RNF111: variants seen among roughly 807,000 people sequenced by gnomAD.
RNF111 encodes ring finger protein 111, also known as E3 ubiquitin-protein ligase Arkadia.
In RNF111, 17 loss-of-function variants were observed where a neutral mutation model predicts 95.1. That is an observed-to-expected ratio of 0.18 (90% CI 0.12 to 0.27). The LOEUF (loss-of-function observed/expected upper bound fraction) is 0.27, where lower values mean the gene tolerates loss of function less well. Ranked by LOEUF, RNF111 falls within the 10% of genes least tolerant of loss-of-function variation. The pLI is 1.00. For synonymous variants in RNF111, 440 were observed against 414.8 expected (o/e 1.06, Z -0.74); for missense variants, 1,189 against 1,210.4 (o/e 0.98, Z 0.26).
chr15:59,032,341 T>C (rs1287952273), intron 2 of RNF111, among the ~76,000 whole-genome samples: 1 of 152,220 alleles, frequency 6.6e-6, no homozygotes, highest in Non-Finnish European at 1.5e-5. Flanking sequence ...TTGACTGTTA[T>C]GAATACTTTT....
chr15:59,064,792 A>C (rs1421879960), intron 5 of RNF111, among the ~76,000 whole-genome samples: 2 of 151,940 alleles, frequency 1.3e-5, no homozygotes, highest in Non-Finnish European at 2.9e-5. Context: ...GCTACTGTGT[A>C]ACAGAGGTTA....
intron 1 of RNF111, among the ~76,000 whole-genome samples, chr15:58,998,690 C>G (rs1485982034): frequency 1.3e-5 from 2 of 152,118 alleles, no homozygotes; most frequent in African/African-American, 4.8e-5. Context: ...AAACAAATGA[C>G]AGAATTTATT....
intron 1 of RNF111, among the ~76,000 whole-genome samples, chr15:58,999,383 T>G (rs1450466571): frequency 6.6e-6 from 1 of 152,228 alleles, no homozygotes; most frequent in African/African-American, 2.4e-5. Context: ...TCACCCAGGC[T>G]GGAGTGCAGT....
At chr15:59,003,802 C>T (rs575116195) in intron 1 of RNF111, among the ~76,000 whole-genome samples, 25 of 152,296 alleles carry the variant, frequency 1.6e-4, no homozygotes, top group South Asian at 4.1e-4. Flanking sequence ...ATGTCCTGTT[C>T]GTGGCTGATG....
chr15:59,052,274 G>A (rs948168590), intron 2 of RNF111, 31 bp from the exon 3 acceptor site: 2 of 1,518,174 alleles, frequency 1.3e-6, no homozygotes, highest in Non-Finnish European at 1.8e-6. Context: ...ACAGGAAGAT[G>A]CCTTTAAATG....
At chr15:59,058,682 T>A in intron 5 of RNF111, 132 bp downstream of exon 5, 3 of 772,918 alleles carry the variant, frequency 3.9e-6, no homozygotes, top group East Asian at 5.1e-5. Context: ...ACTTCATATG[T>A]TATCAAGGTA....
At position 59,095,057 on chromosome 15, in the gene RNF111, T is replaced by C; in HGVS notation, c.*157T>C. The C allele has an allele frequency of 1.5e-6, 1 of 660,546 alleles. No homozygotes were observed. The highest frequency in any genetic ancestry group is 2.7e-6 in the Non-Finnish European group (1 of 368,796). 40.9% of individuals were successfully genotyped at this position (660,546 alleles called of 1,614,324 possible). A position where few individuals can be genotyped will look rare whatever the true frequency, so the allele number is the denominator to read the frequency against. ...TACAACTAATGCTAGACCTACAGTT[T>C]ATGTATACAGTTGATTTTGATGTAT... On this transcript the variant is annotated 3_prime_UTR_variant, in exon 14 of 14. Transcript: ENST00000348370.
chr15:59,055,532 G>A (rs1166989953), intron 3 of RNF111, 150 bp from the exon 4 acceptor site: 20 of 329,216 alleles, frequency 6.1e-5, no homozygotes, highest in African/African-American at 2.5e-4. Context: ...TTAGTTTACC[G>A]AGTGCCAGTC....
intron 1 of RNF111, among the ~76,000 whole-genome samples, chr15:59,015,056 C>T (rs2040004248): frequency 6.6e-6 from 1 of 152,068 alleles, no homozygotes; most frequent in African/African-American, 2.4e-5. Flanking sequence ...GCCTCGCCAC[C>T]CAATTTCTTG....
At chr15:59,085,088 G>T (rs1163758012) in intron 9 of RNF111, among the ~76,000 whole-genome samples, 1 of 152,194 alleles carries the variant, frequency 6.6e-6, no homozygotes, top group Non-Finnish European at 1.5e-5. Flanking sequence ...TGAATCCATT[G>T]TGTGTGGGCA....
At chr15:59,060,946 C>T (rs1480305245) in intron 5 of RNF111, among the ~76,000 whole-genome samples, 1 of 151,898 alleles carries the variant, frequency 6.6e-6, no homozygotes, top group Non-Finnish European at 1.5e-5. Context: ...ATGACCACCA[C>T]GTCCGGCTAA....
chr15:59,087,339 C>G (rs2078927647), intron 10 of RNF111, among the ~76,000 whole-genome samples: 1 of 152,148 alleles, frequency 6.6e-6, no homozygotes, highest in African/African-American at 2.4e-5. Context: ...TTGAGAAACA[C>G]AGTTAAAATA....
At chr15:58,991,459 T>A (rs2038813510) in intron 1 of RNF111, among the ~76,000 whole-genome samples, 1 of 152,230 alleles carries the variant, frequency 6.6e-6, no homozygotes, top group Non-Finnish European at 1.5e-5. Flanking sequence ...CATTCTGTTC[T>A]GTGTGTGGGA....
chr15:59,002,572 A>G (rs536838951), intron 1 of RNF111, among the ~76,000 whole-genome samples: 1 of 151,474 alleles, frequency 6.6e-6, no homozygotes, highest in South Asian at 2.1e-4. Flanking sequence ...AAAAAAAGAG[A>G]GAGAGTGACC....
At chr15:59,072,359 C>G (rs1186188532) in intron 6 of RNF111, among the ~76,000 whole-genome samples, 3 of 151,144 alleles carry the variant, frequency 2.0e-5, no homozygotes, top group African/African-American at 7.3e-5. Context: ...TCAATCCTTT[C>G]AAACTTTGCA....
intron 2 of RNF111, among the ~76,000 whole-genome samples, chr15:59,044,489 G>A (rs1282629951): frequency 6.6e-6 from 1 of 152,130 alleles, no homozygotes; most frequent in African/African-American, 2.4e-5. Context: ...AGTTTATAAA[G>A]AACTCTCGCA....
rs1470477843 is a variant in RNF111 at position 59,031,169 on chromosome 15, T to C, written c.347T>C (p.Leu116Ser). The change falls in exon 2 of 14, where the codon TTA becomes TCA. Residue 116 changes from leucine (L) to serine (S), a missense_variant. Physicochemically the swap from Leu to Ser is moderately radical, Grantham distance 145. Coordinates refer to ENST00000348370, the MANE Select transcript of RNF111 (RefSeq NM_017610.8). ...QNCVKENQGI[L>S]GLRQHLGTPS... is the part of the protein sequence containing the mutation. ...TGTGTTAAAGAAAACCAGGGAATAT[T>C]AGGACTGAGGCAACACCTAGGGACA... 5 of 1,614,030 alleles carry C rather than the reference T, an allele frequency of 3.1e-6. No individual in the cohort carries two copies. The African/African-American group carries it at 6.7e-5, about 22-fold the overall frequency.
At chr15:59,019,919 A>G (rs1350557806) in intron 1 of RNF111, among the ~76,000 whole-genome samples, 1 of 152,152 alleles carries the variant, frequency 6.6e-6, no homozygotes, top group Admixed American at 6.5e-5. Flanking sequence ...AGATCGTGCC[A>G]CTGCACTTCA....
At chr15:59,053,538 A>G (rs2042079861) in intron 3 of RNF111, among the ~76,000 whole-genome samples, 1 of 152,252 alleles carries the variant, frequency 6.6e-6, no homozygotes, top group Non-Finnish European at 1.5e-5. Flanking sequence ...CCATTTTAGC[A>G]TCGAAGTGCT....
Sources: gnomAD v4.1 joint callset for allele counts (sites outside exome capture counted in the v4.1 genomes callset) on GRCh38, gnomAD v4.1.1 for gene constraint, MANE v1.5 for transcripts, NCBI Gene and HGNC (gene_info 2026-07-23, HGNC 2026-07-21) for gene names.